The following NEO1 variants were observed in gnomAD, a reference collection of about 807,000 sequenced individuals.
The protein encoded by NEO1 is neogenin 1.
Under a neutral mutation model 159.7 loss-of-function variants are expected in NEO1, and 63 were observed. The observed-to-expected ratio is 0.39, with a 90% confidence interval of 0.32 to 0.49. NEO1 has a LOEUF of 0.49. NEO1 is among the 20% of genes least tolerant of loss of function. The probability of loss-of-function intolerance (pLI) is 0.85; values close to 1 mark genes in which losing one functional copy is unlikely to be tolerated. For missense variants in NEO1, 1,615 were observed against 1,831.0 expected (o/e 0.88, Z 2.15); for synonymous variants, 633 against 662.0 (o/e 0.96, Z 0.67).
At position 73,288,547 on chromosome 15, in the gene NEO1, C is replaced by T. The variant is rs2042036370; in HGVS notation, c.3645C>T (p.Tyr1215=). 3 of 1,610,326 alleles carry T rather than the reference C, an allele frequency of 1.9e-6. No individual in the cohort carries two copies. The highest frequency in any genetic ancestry group is 3.3e-4 in the Middle Eastern group (2 of 6,052). The change falls in exon 24 of 29, where the codon TAC becomes TAT. Residue 1215 remains tyrosine (Y), a synonymous_variant. Coordinates refer to ENST00000261908, the MANE Select transcript of NEO1 (RefSeq NM_002499.4). Reference sequence around the variant, plus strand: ...ATATCCATCAAAGGCGAAATTCATACAGAGGTACCATTTTAAGTGCAGGTT... The same window carrying T: ...ATATCCATCAAAGGCGAAATTCATATAGAGGTACCATTTTAAGTGCAGGTT... ...DSNIHQRRNS[Y]RGHESEDSMS...
At chr15:73,062,632 A>G (rs1424412124) in intron 1 of NEO1, among the ~76,000 whole-genome samples, 3 of 152,318 alleles carry the variant, frequency 2.0e-5, no homozygotes, top group South Asian at 2.1e-4. Flanking sequence ...GAAACATGCT[A>G]TTACCTCTTT....
chr15:73,053,117 G>T (rs964783858), intron 1 of NEO1, among the ~76,000 whole-genome samples: 3 of 152,058 alleles, frequency 2.0e-5, no homozygotes, highest in African/African-American at 7.2e-5. Context: ...TTGTAAGAGT[G>T]GGACATTCTT....
chr15:73,141,411 A>G (rs558826557), intron 5 of NEO1, among the ~76,000 whole-genome samples: 90 of 152,352 alleles, frequency 5.9e-4, no homozygotes, highest in South Asian at 2.5e-3. Flanking sequence ...TTAGCCCATC[A>G]TGTATTTCCT....
chr15:73,057,975 A>G (rs1013265670), intron 1 of NEO1, among the ~76,000 whole-genome samples: 5 of 152,214 alleles, frequency 3.3e-5, no homozygotes, highest in Non-Finnish European at 5.9e-5. Context: ...TTTGAAACCC[A>G]TAAGTAACCC....
At position 73,249,175 on chromosome 15, in the gene NEO1, G is replaced by T. The variant is rs777630232; in HGVS notation, c.1722G>T (p.Leu574Phe). Residue 574 changes from leucine (L) to phenylalanine (F), a missense_variant, in exon 10 of 29, where the codon TTG becomes TTT. Physicochemically the swap from Leu to Phe is conservative, Grantham distance 22. Transcript: ENST00000261908. ...ATGGGGAAATTCAGAATTATAAATT[G>T]TACTACATGGAAAAGGGGACTGATA... ...SGNGEIQNYK[L>F]YYMEKGTDKE... 3 of 1,614,008 alleles carry T rather than the reference G, an allele frequency of 1.9e-6. No individual in the cohort carries two copies. In the South Asian group the frequency reaches 3.3e-5, roughly 18 times the overall value.
At chr15:73,290,224 A>ATTTTTTTT (rs34114271) in intron 25 of NEO1, among the ~76,000 whole-genome samples, 1 of 82,252 alleles carries the variant, frequency 1.2e-5, no homozygotes, top group Non-Finnish European at 2.3e-5. Context: ...ACTGTGTGGA[A>ATTTTTTTT]TTTTTTTTTT....
chr15:73,238,118 G>T (rs949948922), intron 8 of NEO1, among the ~76,000 whole-genome samples: 1 of 152,114 alleles, frequency 6.6e-6, no homozygotes, highest in Non-Finnish European at 1.5e-5. Context: ...TGACTTGGCA[G>T]CTTGAAATTG....
At chr15:73,278,333 T>TAA (rs1329803742) in intron 22 of NEO1, 134 bp downstream of exon 22, 1 of 678,934 alleles carries the variant, frequency 1.5e-6, no homozygotes, top group Admixed American at 2.8e-5. Context: ...TTGCTAGATT[T>TAA]AAGTGTTTGC....
chr15:73,232,767 C>T (rs1442345974), intron 7 of NEO1, among the ~76,000 whole-genome samples: 2 of 152,178 alleles, frequency 1.3e-5, no homozygotes, highest in African/African-American at 4.8e-5. Flanking sequence ...ACTGGCCCTT[C>T]CTATTCACTT....
intron 5 of NEO1, among the ~76,000 whole-genome samples, chr15:73,141,508 C>A (rs1304146256): frequency 1.3e-5 from 2 of 152,122 alleles, no homozygotes; most frequent in Admixed American, 6.5e-5. Context: ...CAAACAGTTA[C>A]AACAGTCTGT....
At chr15:73,249,326 G>A (rs1483792743) in intron 10 of NEO1, 118 bp downstream of exon 10, 6 of 1,207,734 alleles carry the variant, frequency 5.0e-6, no homozygotes, top group Non-Finnish European at 3.4e-6. Context: ...CATAGGAAAT[G>A]AAAAGTTGAC....
chr15:73,238,202 C>G (rs2039291452), intron 8 of NEO1, among the ~76,000 whole-genome samples: 1 of 151,010 alleles, frequency 6.6e-6, no homozygotes, highest in South Asian at 2.1e-4. Flanking sequence ...CAGAACACCA[C>G]TGCTGTCACA....
chr15:73,080,902 G>A (rs2069012247), intron 1 of NEO1, among the ~76,000 whole-genome samples: 2 of 152,092 alleles, frequency 1.3e-5, no homozygotes, highest in Non-Finnish European at 2.9e-5. Context: ...TTTGCAAATA[G>A]CGTTTTCAAT....
intron 11 of NEO1, among the ~76,000 whole-genome samples, chr15:73,250,396 T>TA (rs1238874735): frequency 6.6e-6 from 1 of 152,136 alleles, no homozygotes; most frequent in Non-Finnish European, 1.5e-5. Flanking sequence ...AATGTCTTTT[T>TA]AAAAAAACGT....
chr15:73,299,096 A>G, intron 27 of NEO1, among the ~76,000 whole-genome samples: 1 of 152,216 alleles, frequency 6.6e-6, no homozygotes, highest in East Asian at 1.9e-4. Context: ...GCTCAGTAAC[A>G]GTCCCCTGAC....
Position 73,260,460 on chromosome 15 carries a change from A to G in NEO1, c.2393A>G (p.Asn798Ser), listed in dbSNP as rs761919035. 1.3e-6 allele frequency: 2 copies of G among 1,586,686 alleles called. No homozygotes were observed. The highest frequency in any genetic ancestry group is 3.4e-5 in the Admixed American group (2 of 59,154). The part of the protein sequence containing the change: ...DYKQRYYTIE[N>S]LDPSSHYVIT... ...AAACAGCGCTATTACACCATTGAAA[A>G]TCTGGGTATGTTTGCTAAGTAGAGA... The change falls in exon 15 of 29, where the codon AAT becomes AGT. Residue 798 changes from asparagine (N) to serine (S), a missense_variant. Transcript: ENST00000261908.
rs780961595 is a variant in NEO1, at chr15:73,293,456, T to A, written c.3809T>A (p.Leu1270His). 6.2e-7 allele frequency: 1 copy of A among 1,614,170 alleles called. No homozygotes were observed. Among genetic ancestry groups the A allele is most frequent in the South Asian group, 1.1e-5 (1 of 91,082 alleles). Residue 1270 changes from leucine (L) to histidine (H), a missense_variant, in exon 26 of 29, where the codon CTC becomes CAC. Physicochemically the swap from Leu to His is moderately conservative, Grantham distance 99. Around this residue, in one of 3 missense-constraint regions of NEO1, gnomAD observed 471 missense variants for 498.9 expected, o/e 0.94. Transcript: ENST00000261908. ...NPHHHFHSSS[L>H]ASPARSHLYH... ...CACCATCATTTCCACTCCAGCAGCC[T>A]CGCTTCTCCAGCTCGCAGTCATCTC...
chr15:73,052,272 C>CGCGTGT (rs1253160136), upstream of NEO1, among the ~76,000 whole-genome samples: 2 of 142,498 alleles, frequency 1.4e-5, no homozygotes, highest in African/African-American at 5.1e-5. Context: ...CGCGCGCGTG[C>CGCGTGT]GCGTGTGCGC....
At chr15:73,082,581 AT>A (rs530946585) in intron 1 of NEO1, among the ~76,000 whole-genome samples, 57 of 148,492 alleles carry the variant, frequency 3.8e-4, no homozygotes, top group South Asian at 3.0e-3. Flanking sequence ...AGAACAAAGG[AT>A]TTTTTTTTTT....
Sources: allele counts gnomAD v4.1 joint callset (sites outside exome capture counted in the v4.1 genomes callset), GRCh38; gene constraint gnomAD v4.1.1; regional missense constraint gnomAD v4.1.1; transcripts MANE v1.5; gene names NCBI Gene and HGNC (gene_info 2026-07-23, HGNC 2026-07-21).